KCNH1: variants seen among roughly 807,000 people sequenced by gnomAD.
KCNH1 encodes the protein potassium voltage-gated channel subfamily H member 1, also known as voltage-gated delayed rectifier potassium channel KCNH1.
In KCNH1, 27 loss-of-function variants were observed where a neutral mutation model predicts 69.2. That is an observed-to-expected ratio of 0.39 (90% CI 0.29 to 0.54). The LOEUF is 0.54. Ranked by LOEUF, KCNH1 falls within the 20% of genes least tolerant of loss-of-function variation. The pLI is 0.68. For synonymous variants in KCNH1, 456 were observed against 487.7 expected, an observed-to-expected ratio of 0.93 and a Z score of 0.86; for missense variants, 798 against 1,261.6, an observed-to-expected ratio of 0.63 and a Z score of 5.57.
chr1:210,856,893 ATATAT>A (rs1574299406), intron 7 of KCNH1, among the ~76,000 whole-genome samples: 4 of 136,416 alleles, frequency 2.9e-5, no homozygotes, highest in South Asian at 2.4e-4. Flanking sequence ...ATATATATAT[ATATAT>A]AAAATACTCA....
chr1:210,804,182 A>G lies in KCNH1; in HGVS notation c.1463-16T>C, dbSNP rs1426032936. 1 of 1,593,510 alleles carries G rather than the reference A, an allele frequency of 6.3e-7. No homozygotes were observed. Among genetic ancestry groups the G allele is most frequent in the Non-Finnish European group, 8.6e-7 (1 of 1,168,212 alleles). ...TAGAGAAGTGCTAGAGGTGAGGAGG[A>G]GGAGCAAAAGAAGAAATAACAAGTT... is the stretch of plus-strand genomic sequence containing the variant. On this transcript the variant is annotated splice_polypyrimidine_tract_variant and intron_variant, in intron 7 of 10. Transcript: ENST00000271751.
chr1:210,744,900 T>C (rs747848473), intron 10 of KCNH1, among the ~76,000 whole-genome samples: 40 of 151,984 alleles, frequency 2.6e-4, no homozygotes, highest in Non-Finnish European at 4.4e-4. Context: ...AAAGATTACA[T>C]ATGTAAAATT....
At chr1:210,846,242 A>C (rs1685544084) in intron 7 of KCNH1, among the ~76,000 whole-genome samples, 1 of 152,220 alleles carries the variant, frequency 6.6e-6, no homozygotes. Flanking sequence ...TAAAGTTGAT[A>C]TGGAACCAAA....
At chr1:210,778,701 G>T (rs374584430) in intron 9 of KCNH1, among the ~76,000 whole-genome samples, 1 of 152,182 alleles carries the variant, frequency 6.6e-6, no homozygotes, top group South Asian at 2.1e-4. Flanking sequence ...AGTGTCTTGA[G>T]TATCTGTGAG....
chr1:210,965,344 A>T (rs529651273), intron 6 of KCNH1, among the ~76,000 whole-genome samples: 4 of 152,304 alleles, frequency 2.6e-5, no homozygotes, highest in Admixed American at 1.3e-4. Flanking sequence ...TTGTATATTT[A>T]AAAAACCCCA....
intron 7 of KCNH1, among the ~76,000 whole-genome samples, chr1:210,847,115 C>T (rs538960983): frequency 4.6e-4 from 70 of 152,296 alleles, no homozygotes; most frequent in Non-Finnish European, 9.0e-4. Context: ...AATAGGAACA[C>T]TTTTACACTT....
chr1:211,120,178 T>TTA (rs1466104053), intron 1 of KCNH1, among the ~76,000 whole-genome samples: 3 of 151,606 alleles, frequency 2.0e-5, no homozygotes, highest in East Asian at 1.9e-4. Context: ...AATTGATTGA[T>TTA]TATATATATA....
chr1:210,855,269 C>A (rs1277495943), intron 7 of KCNH1, among the ~76,000 whole-genome samples: 2 of 152,210 alleles, frequency 1.3e-5, no homozygotes, highest in African/African-American at 2.4e-5. Context: ...GACACTCACT[C>A]TCTCACACAA....
rs1685951143 is a variant in KCNH1, at chr1:210,860,342, G to C, written c.1463-56176C>G. 8 of 1,452,850 alleles carry C rather than the reference G, an allele frequency of 5.5e-6. No homozygotes were observed. In the Admixed American group the frequency reaches 1.3e-4, roughly 24 times the overall value. 90.0% of individuals were successfully genotyped at this position (1,452,850 alleles called of 1,614,324 possible). On this transcript the variant is annotated intron_variant, in intron 7 of 10. Transcript: ENST00000271751. ...ATGTCCTCATAGAATTCTGAGACAT[G>C]CTGTTGTAAAACAGTACCAATGACC...
chr1:210,816,268 G>A lies in KCNH1; in HGVS notation c.1463-12102C>T, dbSNP rs74325272. On this transcript the variant is annotated intron_variant, in intron 7 of 10. Coordinates refer to ENST00000271751, the MANE Select transcript of KCNH1 (RefSeq NM_172362.3). ...GAATTCCTACACCACATTCAAACTC[G>A]GCCGTGTTGGTGAATGTCACTTAAC... 6.4e-3 allele frequency among the ~76,000 whole-genome samples: 981 copies of A among 152,214 alleles called. 11 individuals are homozygous for A. The highest frequency in any genetic ancestry group is 0.023 in the African/African-American group (935 of 41,536).
intron 6 of KCNH1, among the ~76,000 whole-genome samples, chr1:211,010,765 G>A (rs1187060512): frequency 6.6e-6 from 1 of 152,126 alleles, no homozygotes; most frequent in Admixed American, 6.5e-5. Context: ...GGGCTCCTTG[G>A]GGAGTTGTAT....
intron 4 of KCNH1, among the ~76,000 whole-genome samples, chr1:211,088,083 G>C (rs932346321): frequency 1.3e-5 from 2 of 152,136 alleles, no homozygotes; most frequent in African/African-American, 4.8e-5. Flanking sequence ...CATGATCTGA[G>C]AAAACAAAGT....
chr1:210,783,011 T>G (rs926295497), intron 9 of KCNH1, among the ~76,000 whole-genome samples: 3 of 152,226 alleles, frequency 2.0e-5, no homozygotes, highest in Non-Finnish European at 4.4e-5. Flanking sequence ...GAAGTTTACA[T>G]GAATGAATGT....
chr1:210,817,617 T>C (rs1157167492), intron 7 of KCNH1, among the ~76,000 whole-genome samples: 1 of 152,114 alleles, frequency 6.6e-6, no homozygotes, highest in Admixed American at 6.6e-5. Context: ...TAAACACACA[T>C]GTCAACTGTG....
chr1:210,827,802 G>A (rs1012253852), intron 7 of KCNH1, among the ~76,000 whole-genome samples: 5 of 152,040 alleles, frequency 3.3e-5, no homozygotes, highest in African/African-American at 9.7e-5. Flanking sequence ...CTTATTTTAG[G>A]CAAAATTGCC....
chr1:210,683,019 A>G lies in KCNH1; in HGVS notation c.*262T>C, dbSNP rs1389411659. ...TAAAAAATTAAAAATGAAGGAAAAT[A>G]CCCTTTAGACAGCATGTCCCTTCTT... On this transcript the variant is annotated 3_prime_UTR_variant, in exon 11 of 11. Transcript: ENST00000271751. The surrounding 1 kb of genome is among the most constrained non-coding windows in gnomAD (Gnocchi z 5.7). 5 of 458,046 alleles carry G rather than the reference A, an allele frequency of 1.1e-5. No individual in the cohort carries two copies. Among genetic ancestry groups the G allele is most frequent in the Non-Finnish European group, 1.9e-5 (5 of 257,570 alleles). 28.4% of individuals were successfully genotyped at this position (458,046 alleles called of 1,614,324 possible).
In KCNH1 at chr1:210,683,043, T is replaced by C. The variant is rs1337807830; in HGVS notation, c.*238A>G. ...TACCCTTTAGACAGCATGTCCCTTCTTCCAAAATTGTGCAAAGACGGTTCA... is the reference window on the plus strand; with the variant it reads ...TACCCTTTAGACAGCATGTCCCTTCCTCCAAAATTGTGCAAAGACGGTTCA... On this transcript the variant is annotated 3_prime_UTR_variant, in exon 11 of 11. Transcript: ENST00000271751. This position sits in a 1 kb window ranked among gnomAD's most constrained non-coding sequence, Gnocchi z 5.7. The C allele has an allele frequency of 1.1e-5, 6 of 561,574 alleles. No individual in the cohort carries two copies. The highest frequency in any genetic ancestry group is 9.3e-5 in the African/African-American group (5 of 53,776). 34.8% of individuals were successfully genotyped at this position (561,574 alleles called of 1,614,324 possible). A position where few individuals can be genotyped will look rare whatever the true frequency, so the allele number is the denominator to read the frequency against.
At chr1:210,688,764 C>T (rs1681464820) in intron 10 of KCNH1, among the ~76,000 whole-genome samples, 1 of 152,188 alleles carries the variant, frequency 6.6e-6, no homozygotes, top group Admixed American at 6.5e-5. Context: ...TGCTCATTGG[C>T]TCTTGCCTTC....
intron 7 of KCNH1, among the ~76,000 whole-genome samples, chr1:210,810,887 T>C (rs534820249): frequency 6.6e-6 from 1 of 152,280 alleles, no homozygotes; most frequent in African/African-American, 2.4e-5. Flanking sequence ...CCTAGAAAAC[T>C]GATTAAAAGC....
Sources: gnomAD v4.1 joint callset for allele counts (sites outside exome capture counted in the v4.1 genomes callset) on GRCh38, gnomAD v4.1.1 for gene constraint, Gnocchi (gnomAD v3.1) non-coding constraint, MANE v1.5 for transcripts, NCBI Gene and HGNC (gene_info 2026-07-23, HGNC 2026-07-21) for gene names.